The following SPNS3 variants were observed in gnomAD, a reference collection of about 807,000 sequenced individuals.
SPNS3 encodes SPNS lysolipid transporter 3, sphingosine-1-phosphate (putative), also known as protein spinster homolog 3.
In SPNS3, 51 loss-of-function variants were observed where a neutral mutation model predicts 54.4. The observed-to-expected ratio is 0.94, with a 90% CI of 0.75 to 1.18. The LOEUF is 1.18. Ranked by LOEUF, SPNS3 falls within the 50% of genes most tolerant of loss-of-function variation. The pLI is 0.00. For missense variants in SPNS3, 669 were observed against 677.4 expected, an observed-to-expected ratio of 0.99 and a Z score of 0.14; for synonymous variants, 309 against 294.7, an observed-to-expected ratio of 1.05 and a Z score of -0.50.
Position 4,486,411 on chromosome 17 carries a change from G to GACC in SPNS3, c.1279_1280insCCA (p.Leu426_Ile427insThr), listed in dbSNP as rs1243576622. 3.1e-6 allele frequency: 5 copies of GACC among 1,603,302 alleles called. No homozygotes were observed. Among genetic ancestry groups the GACC allele is most frequent in the African/African-American group, 1.3e-5 (1 of 74,564 alleles). The stretch of plus-strand genomic sequence containing the variant: ...GCAGACTCATCCCTTCTCCTCCGCA[G>GACC]ATCTCTAGTGTCCTGCGGGCCAGGC... On this transcript the variant is annotated inframe_insertion and splice_region_variant. Coordinates refer to ENST00000355530, the MANE Select transcript of SPNS3 (RefSeq NM_182538.5). This position sits in a 1 kb window ranked among gnomAD's most constrained non-coding sequence, Gnocchi z 5.5.
At chr17:4,451,841 G>C (rs1439041362) in intron 7 of SPNS3, among the ~76,000 whole-genome samples, 1 of 135,882 alleles carries the variant, frequency 7.4e-6, no homozygotes, top group African/African-American at 2.9e-5. Context: ...GCTAATTTTT[G>C]TATTTTTTTT....
chr17:4,447,077 GGGT>G lies in SPNS3; in HGVS notation c.621+122_621+124del, dbSNP rs796382464. On this transcript the variant is annotated intron_variant, in intron 5 of 11. Coordinates refer to ENST00000355530, the MANE Select transcript of SPNS3 (RefSeq NM_182538.5). ...CACCCGGCGCCATTAGGGGGACGGG[GGGT>G]GGTGGTCAGGCATCGGCAGCTTTGG... is the stretch of plus-strand genomic sequence containing the variant. 1.7e-4 allele frequency: 191 copies of G among 1,093,576 alleles called. 1 individual carries two copies. The highest frequency in any genetic ancestry group is 4.0e-4 in the Admixed American group (20 of 49,806). 67.7% of individuals were successfully genotyped at this position (1,093,576 alleles called of 1,614,324 possible).
chr17:4,479,366 A>C (rs1407786956), intron 9 of SPNS3, among the ~76,000 whole-genome samples: 1 of 152,238 alleles, frequency 6.6e-6, no homozygotes, highest in East Asian at 1.9e-4. Flanking sequence ...GTGCCAGCCC[A>C]CACCAGCTCG....
At chr17:4,472,221 T>C (rs1238887149) in intron 8 of SPNS3, among the ~76,000 whole-genome samples, 1 of 152,172 alleles carries the variant, frequency 6.6e-6, no homozygotes, top group Non-Finnish European at 1.5e-5. Flanking sequence ...CCACAATATG[T>C]ATCCATAGTT....
intron 8 of SPNS3, among the ~76,000 whole-genome samples, chr17:4,455,922 G>GAC: frequency 6.6e-6 from 1 of 152,212 alleles, no homozygotes; most frequent in South Asian, 2.1e-4. Flanking sequence ...CTCTGTGGGG[G>GAC]GGGGGTGAGT....
chr17:4,474,116 G>A (rs1971927641), intron 8 of SPNS3, among the ~76,000 whole-genome samples: 4 of 152,208 alleles, frequency 2.6e-5, no homozygotes, highest in African/African-American at 7.2e-5. Flanking sequence ...CTGGCAGCAC[G>A]GCCCACCAGA....
At chr17:4,448,508 G>T (rs1033423233) in intron 6 of SPNS3, among the ~76,000 whole-genome samples, 1 of 152,216 alleles carries the variant, frequency 6.6e-6, no homozygotes, top group Non-Finnish European at 1.5e-5. Flanking sequence ...CCATGTGACA[G>T]AAATATGGAC....
intron 1 of SPNS3, among the ~76,000 whole-genome samples, chr17:4,439,327 GT>G (rs1970790113): frequency 6.6e-6 from 1 of 152,126 alleles, no homozygotes; most frequent in Admixed American, 6.6e-5. Context: ...GTTTCACCAC[GT>G]TGACCATGGC....
chr17:4,484,143 C>T lies in SPNS3; in HGVS notation c.1180-2085C>T, dbSNP rs183343238. Among the ~76,000 whole-genome samples the T allele has an allele frequency of 5.0e-3, 758 of 152,288 alleles. 2 individuals are homozygous for T. Among genetic ancestry groups the T allele is most frequent in the Middle Eastern group, 0.014 (4 of 294 alleles). ...ATCCTAGAGGGAGAAGGCCTGCAAT[C>T]CTCTCTCAGCCCTGTTATTTCAGGC... On this transcript the variant is annotated intron_variant, in intron 9 of 11. Coordinates refer to ENST00000355530, the MANE Select transcript of SPNS3 (RefSeq NM_182538.5).
intron 7 of SPNS3, among the ~76,000 whole-genome samples, chr17:4,450,744 G>A (rs1423461295): frequency 6.7e-6 from 1 of 149,150 alleles, no homozygotes; most frequent in Admixed American, 6.8e-5. Flanking sequence ...TTACAGGCAT[G>A]TGCTACCATG....
At chr17:4,439,558 G>A in intron 1 of SPNS3, 100 bp from the exon 2 acceptor site, 1 of 1,047,856 alleles carries the variant, frequency 9.5e-7, no homozygotes, top group East Asian at 2.6e-5. Flanking sequence ...GCCCTGTGCT[G>A]TGCTGGTCAG....
In SPNS3 at chr17:4,441,983, A is replaced by T. The variant is rs62067391; in HGVS notation, c.265+2260A>T. Among the ~76,000 whole-genome samples the T allele has an allele frequency of 3.0e-4, 42 of 139,102 alleles. 2 individuals are homozygous for T. The highest frequency in any genetic ancestry group is 9.6e-4 in the South Asian group (4 of 4,186). 91.3% of individuals were successfully genotyped at this position (139,102 alleles called of 152,430 possible). On this transcript the variant is annotated intron_variant, in intron 2 of 11. Coordinates refer to ENST00000355530, the MANE Select transcript of SPNS3 (RefSeq NM_182538.5). ...ACAAGTCCTGGGCCACGGAGGGAGAAGTGTGTGTGTGTGTGTGTGTGTGTG... is the reference window on the plus strand; with the variant it reads ...ACAAGTCCTGGGCCACGGAGGGAGATGTGTGTGTGTGTGTGTGTGTGTGTG...
At chr17:4,458,593 CTTTCTTTCTTT>C (rs761519928) in intron 8 of SPNS3, among the ~76,000 whole-genome samples, 1,333 of 79,926 alleles carry the variant, frequency 0.017, 83 homozygotes, top group African/African-American at 0.045. Context: ...TCCCTCCTTT[CTTTCTTTCTTT>C]CTTTCTTTCT....
At chr17:4,438,072 C>G (rs2143979478) in intron 1 of SPNS3, among the ~76,000 whole-genome samples, 1 of 152,350 alleles carries the variant, frequency 6.6e-6, no homozygotes, top group South Asian at 2.1e-4. Flanking sequence ...CAGGCGTGAG[C>G]CACCACGTCC....
At position 4,487,933 on chromosome 17, in the gene SPNS3, T is replaced by A. The variant is rs774595509; in HGVS notation, c.*39T>A. 6 of 1,586,044 alleles carry A rather than the reference T, an allele frequency of 3.8e-6. No homozygotes were observed. The highest frequency in any genetic ancestry group is 5.2e-6 in the Non-Finnish European group (6 of 1,155,036). On this transcript the variant is annotated 3_prime_UTR_variant, in exon 12 of 12. Transcript: ENST00000355530. ...ACTCGTCCTGCCTGCAAGCCTCCCG[T>A]TGGTCCCCACAGCAGCAGTGCCTCG...
intron 8 of SPNS3, among the ~76,000 whole-genome samples, chr17:4,467,293 C>T (rs1361922987): frequency 2.6e-5 from 4 of 151,816 alleles, no homozygotes; most frequent in South Asian, 2.1e-4. Context: ...GGGTTGTATC[C>T]GGAATCTACT....
Position 4,453,094 on chromosome 17 carries a change from G to T in SPNS3, c.1002G>T (p.Lys334Asn), listed in dbSNP as rs1250492976. The change falls in exon 8 of 12, where the codon AAG (lysine) becomes AAT (asparagine). Residue 334 changes from lysine (K) to asparagine (N), a missense_variant. Transcript: ENST00000355530. Reference protein sequence around the residue: ...ILGAEAARRYKKVIPGAEPLI... With the variant: ...ILGAEAARRYNKVIPGAEPLI... ...GGGCAGAAGCTGCGAGGAGGTACAA[G>T]AAAGTCATTCCAGGAGCTGAGCCCC... 2 of 1,614,122 alleles carry T rather than the reference G, an allele frequency of 1.2e-6. No homozygotes were observed.
At chr17:4,477,160 C>T (rs962487966) in intron 8 of SPNS3, among the ~76,000 whole-genome samples, 10 of 152,228 alleles carry the variant, frequency 6.6e-5, no homozygotes, top group South Asian at 2.1e-4. Flanking sequence ...CAGGCCATCA[C>T]GGCGTGGGGG....
chr17:4,446,106 C>G lies in SPNS3; in HGVS notation c.461C>G (p.Ser154Cys). The change falls in exon 4 of 12, where the codon TCC becomes TGC. Residue 154 changes from serine to cysteine, a missense_variant. Ser to Cys is a moderately radical substitution (Grantham distance 112). Transcript: ENST00000355530. Reference sequence around the variant, plus strand: ...GTGGGCACTGGCTCGGCCAGCTACTCCACCATCGCGCCCACCGTCCTGGGC... The same window carrying G: ...GTGGGCACTGGCTCGGCCAGCTACTGCACCATCGCGCCCACCGTCCTGGGC... The part of the protein sequence containing the change: ...GIVGTGSASY[S>C]TIAPTVLGDL... 1 of 1,613,340 alleles carries G rather than the reference C, an allele frequency of 6.2e-7. No homozygotes were observed.
Sources: gnomAD v4.1 joint callset for allele counts (sites outside exome capture counted in the v4.1 genomes callset) on GRCh38, gnomAD v4.1.1 for gene constraint, Gnocchi (gnomAD v3.1) non-coding constraint, MANE v1.5 for transcripts, NCBI Gene and HGNC (gene_info 2026-07-23, HGNC 2026-07-21) for gene names.